IQSEC1: variants seen among roughly 807,000 people sequenced by gnomAD.
IQSEC1 encodes the protein IQ motif and SEC7 domain-containing protein 1.
A neutral mutation model predicts 91.0 loss-of-function variants in IQSEC1; 31 were observed. The ratio of observed to expected loss-of-function variants is 0.34; its 90% confidence interval spans 0.26 to 0.46. The LOEUF (loss-of-function observed/expected upper bound fraction) is 0.46, where lower values mean the gene tolerates loss of function less well. Ranked by LOEUF, IQSEC1 falls within the 20% of genes least tolerant of loss-of-function variation. The pLI is 1.00. For missense variants in IQSEC1, 1,388 were observed against 1,575.6 expected (o/e 0.88, Z 2.02); for synonymous variants, 699 against 662.6 (o/e 1.05, Z -0.84).
intron 9 of IQSEC1, among the ~76,000 whole-genome samples, chr3:12,912,706 C>A (rs1304358762): frequency 6.7e-6 from 1 of 149,004 alleles, no homozygotes; most frequent in African/African-American, 2.5e-5. Flanking sequence ...AGAACATGGG[C>A]ATCTTTGGCA....
chr3:13,034,528 A>C (rs1041016336), intron 1 of IQSEC1, among the ~76,000 whole-genome samples: 1 of 152,174 alleles, frequency 6.6e-6, no homozygotes, highest in Non-Finnish European at 1.5e-5. Context: ...GGCGTAGTGA[A>C]AGACTGAGCC....
chr3:13,039,463 C>T (rs181115829), intron 1 of IQSEC1, among the ~76,000 whole-genome samples: 24 of 152,294 alleles, frequency 1.6e-4, no homozygotes, highest in African/African-American at 4.8e-4. Flanking sequence ...TTGGGATCGC[C>T]GTTTTAAACA....
chr3:13,213,705 A>AC (rs1559278659), intron 1 of IQSEC1, among the ~76,000 whole-genome samples: 2 of 152,210 alleles, frequency 1.3e-5, no homozygotes, highest in East Asian at 3.8e-4. Flanking sequence ...AGCAATTACC[A>AC]CCACATGACC....
rs369067527 is a variant in IQSEC1 at position 12,950,836 on chromosome 3, C to T, written c.24-8971G>A. On this transcript the variant is annotated intron_variant, in intron 1 of 13. Coordinates refer to ENST00000613206, the MANE Select transcript of IQSEC1 (RefSeq NM_001134382.3). ...TTTTTTTTTGTATTTTTAGTAGAGA[C>T]GGGGTTTCATAGTGTTCACCAGGAT... Among the ~76,000 whole-genome samples, 33 of 151,942 alleles carry T rather than the reference C, an allele frequency of 2.2e-4. No homozygotes were observed. In the South Asian group the frequency reaches 2.5e-3, roughly 12 times the overall value.
At chr3:13,218,923 C>A (rs935332828) in intron 1 of IQSEC1, among the ~76,000 whole-genome samples, 1 of 152,300 alleles carries the variant, frequency 6.6e-6, no homozygotes, top group African/African-American at 2.4e-5. Flanking sequence ...TCCCAAATCA[C>A]CCATAATGCC....
At chr3:12,926,235 G>C (rs1415617898) in intron 3 of IQSEC1, among the ~76,000 whole-genome samples, 9 of 152,140 alleles carry the variant, frequency 5.9e-5, no homozygotes, top group Non-Finnish European at 4.4e-5. Context: ...ATTTGAACTC[G>C]GGAGGCGCAG....
intron 1 of IQSEC1, among the ~76,000 whole-genome samples, chr3:12,981,977 C>T (rs192264593): frequency 6.6e-6 from 1 of 152,348 alleles, no homozygotes; most frequent in Admixed American, 6.5e-5. Context: ...TGGAGATCCC[C>T]AGACAGCTCT....
At chr3:13,030,493 C>T (rs961805290) in intron 1 of IQSEC1, among the ~76,000 whole-genome samples, 21 of 152,172 alleles carry the variant, frequency 1.4e-4, no homozygotes, top group Admixed American at 8.5e-4. Flanking sequence ...AAAATTGGAC[C>T]TGAGTCTAAT....
intron 2 of IQSEC1, among the ~76,000 whole-genome samples, chr3:13,110,412 A>G (rs1706224605): frequency 6.6e-6 from 1 of 151,918 alleles, no homozygotes; most frequent in Non-Finnish European, 1.5e-5. Context: ...AACATGGTGA[A>G]ATCCCGTCTC....
At chr3:13,242,356 T>C (rs1695034695) in intron 1 of IQSEC1, among the ~76,000 whole-genome samples, 1 of 152,144 alleles carries the variant, frequency 6.6e-6, no homozygotes, top group Admixed American at 6.5e-5. Flanking sequence ...GACATAGAAT[T>C]TTCCCAAGTG....
intron 2 of IQSEC1, among the ~76,000 whole-genome samples, chr3:13,161,879 C>T (rs1330844008): frequency 7.9e-5 from 12 of 152,174 alleles, no homozygotes; most frequent in Non-Finnish European, 8.8e-5. Context: ...GCTCTGTGTG[C>T]CAGTCCCCCT....
At chr3:13,025,534 G>A (rs522438) in intron 1 of IQSEC1, among the ~76,000 whole-genome samples, 88,116 of 151,510 alleles carry the variant, frequency 0.58, 26,422 homozygotes, top group Non-Finnish European at 0.67. Context: ...TACTCTGGAA[G>A]CTTAGTGAGG....
At chr3:13,276,255 A>AT (rs1321586254) in intron 1 of IQSEC1, among the ~76,000 whole-genome samples, 1 of 151,616 alleles carries the variant, frequency 6.6e-6, no homozygotes, top group Non-Finnish European at 1.5e-5. Context: ...CGCCAGGCTA[A>AT]TTTTTTGTAT....
At chr3:13,116,463 A>C (rs573501944) in intron 2 of IQSEC1, among the ~76,000 whole-genome samples, 20 of 152,360 alleles carry the variant, frequency 1.3e-4, no homozygotes, top group Middle Eastern at 3.4e-3. Flanking sequence ...TCGCATATAC[A>C]GTCAAATGAT....
chr3:13,072,865 G>T lies in IQSEC1; in HGVS notation c.23+127C>A, dbSNP rs1576236921. The T allele has an allele frequency of 3.7e-6, 3 of 818,818 alleles. No homozygotes were observed. In the African/African-American group the frequency reaches 5.1e-5, roughly 14 times the overall value. 50.7% of individuals were successfully genotyped at this position (818,818 alleles called of 1,614,324 possible). On this transcript the variant is annotated intron_variant, in intron 1 of 13. Transcript: ENST00000613206. ...CGCCGGCATCCCTGCTGGGTGGCCA[G>T]CTCCCTCTGCAAGTCACCTGCACAT...
At position 13,186,801 on chromosome 3, in the gene IQSEC1, C is replaced by T. The variant is rs575222122; in HGVS notation, c.273-22668G>A. On this transcript the variant is annotated intron_variant, in intron 1 of 15. Transcript: ENST00000648114. ...GCGACCCTTTGGCAGACCCAGGCTCCGTCAGGGACTCAGGCTCAGCTGGAA... is the reference window on the plus strand; with the variant it reads ...GCGACCCTTTGGCAGACCCAGGCTCTGTCAGGGACTCAGGCTCAGCTGGAA... 2.6e-5 allele frequency among the ~76,000 whole-genome samples: 4 copies of T among 152,226 alleles called. No individual in the cohort carries two copies. In the South Asian group the frequency reaches 6.2e-4, roughly 24 times the overall value.
At chr3:13,142,104 C>T (rs1706809391) in intron 2 of IQSEC1, among the ~76,000 whole-genome samples, 1 of 152,262 alleles carries the variant, frequency 6.6e-6, no homozygotes, top group Admixed American at 6.5e-5. Context: ...GGATTCAGCT[C>T]AGGTCATCCC....
At chr3:13,028,992 A>G (rs577638737) in intron 1 of IQSEC1, among the ~76,000 whole-genome samples, 91 of 152,338 alleles carry the variant, frequency 6.0e-4, no homozygotes, top group Admixed American at 3.9e-3. Context: ...CATCCACAAC[A>G]TGGGGAGAAA....
rs1206754052 is a variant in IQSEC1, at chr3:12,967,618, G to C, written c.24-25753C>G. On this transcript the variant is annotated intron_variant, in intron 1 of 13. Transcript: ENST00000613206. The surrounding 1 kb of genome is among the most constrained non-coding windows in gnomAD (Gnocchi z 5.9). ...CGGGGCTCCTGGTCCAGCGTCCGCC[G>C]GCTCCCGCGGCTCCGGCCCCAAGTC... The C allele has an allele frequency of 1.6e-6, 2 of 1,235,380 alleles. No individual in the cohort carries two copies. Among genetic ancestry groups the C allele is most frequent in the Non-Finnish European group, 1.0e-6 (1 of 990,046 alleles). The allele number at this position is 1,235,380 out of a possible 1,614,324, so 76.5% of individuals were successfully genotyped here.
Sources: gnomAD v4.1 joint callset for allele counts (sites outside exome capture counted in the v4.1 genomes callset) on GRCh38, gnomAD v4.1.1 for gene constraint, Gnocchi (gnomAD v3.1) non-coding constraint, MANE v1.5 for transcripts, NCBI Gene and HGNC (gene_info 2026-07-23, HGNC 2026-07-21) for gene names.